MRPS2: variants seen among roughly 807,000 people sequenced by gnomAD.
The protein encoded by MRPS2 is small ribosomal subunit protein uS2m.
Under a neutral mutation model 18.9 loss-of-function variants are expected in MRPS2, and 13 were observed. The observed-to-expected ratio is 0.69, with a 90% CI of 0.45 to 1.09. The LOEUF is 1.09. Among genes scored for constraint, MRPS2 ranks in the 50% least tolerant of loss-of-function variants. The pLI, the probability that MRPS2 is intolerant of heterozygous loss-of-function variation, is 0.00. For missense variants in MRPS2, 389 were observed against 421.7 expected, an observed-to-expected ratio of 0.92 and a Z score of 0.68; for synonymous variants, 186 against 178.4, an observed-to-expected ratio of 1.04 and a Z score of -0.34.
chr9:135,501,182 G>T (rs1017697478), intron 2 of MRPS2, 59 bp downstream of exon 2: 4 of 1,516,234 alleles, frequency 2.6e-6, no homozygotes, highest in Non-Finnish European at 3.5e-6. Context: ...CAGCCGCGGG[G>T]GATGCGAACC....
rs367907423 is a variant in MRPS2 at position 135,501,992 on chromosome 9, T to G, written c.299+19T>G. On this transcript the variant is annotated intron_variant, in intron 3 of 3. Transcript: ENST00000241600. Reference sequence around the variant, plus strand: ...GGCACAGGTAGGTGACACCCCCATCTGAGCCCGGGGCGGTTCCCAGGAGGA... The same window carrying G: ...GGCACAGGTAGGTGACACCCCCATCGGAGCCCGGGGCGGTTCCCAGGAGGA... 4 of 1,612,870 alleles carry G rather than the reference T, an allele frequency of 2.5e-6. No individual in the cohort carries two copies. The African/African-American group carries it at 4.0e-5, about 16-fold the overall frequency.
In MRPS2 at chr9:135,501,978, G is replaced by A. The variant is rs1831156287; in HGVS notation, c.299+5G>A. The A allele has an allele frequency of 1.2e-6, 2 of 1,613,328 alleles. No individual in the cohort carries two copies. The highest frequency in any genetic ancestry group is 1.7e-6 in the Non-Finnish European group (2 of 1,179,968). On this transcript the variant is annotated splice_donor_5th_base_variant and intron_variant, in intron 3 of 3. Coordinates refer to ENST00000241600, the MANE Select transcript of MRPS2 (RefSeq NM_016034.5). Reference sequence around the variant, plus strand: ...CAAAGCTGGCTGTCGGCACAGGTAGGTGACACCCCCATCTGAGCCCGGGGC... The same window carrying A: ...CAAAGCTGGCTGTCGGCACAGGTAGATGACACCCCCATCTGAGCCCGGGGC...
intron 2 of MRPS2, 122 bp downstream of exon 2, chr9:135,501,245 C>T: frequency 1.4e-6 from 2 of 1,437,478 alleles, no homozygotes; most frequent in African/African-American, 1.4e-5. Context: ...CCGCTGGGCT[C>T]CTCCCACTCC....
At chr9:135,503,104 C>T in intron 3 of MRPS2, 2 of 1,024,388 alleles carry the variant, frequency 2.0e-6, no homozygotes, top group Non-Finnish European at 2.3e-6. Flanking sequence ...CTTGGCCACT[C>T]CTGCCCTGAT....
In MRPS2 at chr9:135,504,297, CA is replaced by C; in HGVS notation, c.*166del. ...CCACAGAACCAGTGGCTGAGCGGAC[CA>C]ACGTTGCCATGTGCGTTTGCTCTGT... On this transcript the variant is annotated 3_prime_UTR_variant, in exon 4 of 4. Coordinates refer to ENST00000241600, the MANE Select transcript of MRPS2 (RefSeq NM_016034.5). The surrounding 1 kb of genome is among the most constrained non-coding windows in gnomAD (Gnocchi z 4.3). 1.5e-6 allele frequency: 1 copy of C among 680,830 alleles called. No homozygotes were observed. The highest frequency in any genetic ancestry group is 2.4e-6 in the Non-Finnish European group (1 of 410,386). 42.2% of individuals were successfully genotyped at this position (680,830 alleles called of 1,614,324 possible).
rs1327779884 is a variant in MRPS2 at position 135,504,223 on chromosome 9, CGTT to C, written c.*94_*96del. The C allele has an allele frequency of 2.2e-5, 26 of 1,179,814 alleles. No homozygotes were observed. The highest frequency in any genetic ancestry group is 2.8e-5 in the Non-Finnish European group (24 of 861,074). The allele number at this position is 1,179,814 out of a possible 1,614,324, so 73.1% of individuals were successfully genotyped here. On this transcript the variant is annotated 3_prime_UTR_variant, in exon 4 of 4. Transcript: ENST00000241600. The surrounding 1 kb of genome is among the most constrained non-coding windows in gnomAD (Gnocchi z 4.3). ...GCCCTGGGTCAGCGGCATCCTCAGT[CGTT>C]GTTACTTACTCAGCTGATGTCACAG... is the stretch of plus-strand genomic sequence containing the variant.
At chr9:135,502,354 C>G in intron 3 of MRPS2, 8 of 333,520 alleles carry the variant, frequency 2.4e-5, no homozygotes, top group Non-Finnish European at 3.1e-5. Context: ...ATTTTGACTG[C>G]TGTGGGGGGA....
Position 135,501,054 on chromosome 9 carries a change from G to A in MRPS2, c.100G>A (p.Ala34Thr). 6.2e-7 allele frequency: 1 copy of A among 1,609,776 alleles called. No homozygotes were observed. The highest frequency in any genetic ancestry group is 1.7e-4 in the Middle Eastern group (1 of 6,046). The change falls in exon 2 of 4, where the codon GCT becomes ACT. Residue 34 changes from alanine (A) to threonine (T), a missense_variant. By Grantham distance (58) the Ala-to-Thr change is moderately conservative. Coordinates refer to ENST00000241600, the MANE Select transcript of MRPS2 (RefSeq NM_016034.5). ...GFLGKATPRP[A>T]RPSRRTLGSA... is the part of the protein sequence containing the mutation. ...TCTCGGGAAGGCGACCCCCCGGCCT[G>A]CTCGGCCGAGCCGCAGGACGCTTGG...
chr9:135,501,350 T>C, intron 2 of MRPS2: 1 of 1,393,608 alleles, frequency 7.2e-7, no homozygotes, highest in African/African-American at 1.5e-5. Flanking sequence ...GGCGGGCCAG[T>C]GGTTAGCACA....
intron 2 of MRPS2, 89 bp downstream of exon 2, chr9:135,501,212 G>A: frequency 1.4e-6 from 2 of 1,457,656 alleles, no homozygotes; most frequent in African/African-American, 1.4e-5. Flanking sequence ...CCTGGGCGCT[G>A]CACGCGGTCG....
chr9:135,501,052 C>T lies in MRPS2; in HGVS notation c.98C>T (p.Pro33Leu), dbSNP rs949249049. ...LGFLGKATPR[P>L]ARPSRRTLGS... is the part of the protein sequence containing the mutation. ...TTTCTCGGGAAGGCGACCCCCCGGC[C>T]TGCTCGGCCGAGCCGCAGGACGCTT... is the stretch of plus-strand genomic sequence containing the variant. Residue 33 changes from proline (P) to leucine (L), a missense_variant, in exon 2 of 4, where the codon CCT (proline) becomes CTT (leucine). Coordinates refer to ENST00000241600, the MANE Select transcript of MRPS2 (RefSeq NM_016034.5). The T allele has an allele frequency of 2.3e-5, 37 of 1,610,524 alleles. No individual in the cohort carries two copies. The highest frequency in any genetic ancestry group is 3.3e-5 in the Admixed American group (2 of 59,874).
chr9:135,501,330 A>G (rs1831126335), intron 2 of MRPS2: 1 of 1,396,546 alleles, frequency 7.2e-7, no homozygotes, highest in African/African-American at 1.5e-5. Context: ...GGATAGGGTG[A>G]GAGGGAGCGG....
In MRPS2 at chr9:135,502,201, G is replaced by C. The variant is rs1831162871; in HGVS notation, c.299+228G>C. 4 of 1,353,790 alleles carry C rather than the reference G, an allele frequency of 3.0e-6. No individual in the cohort carries two copies. In the East Asian group the frequency reaches 1.2e-4, roughly 41 times the overall value. The allele number at this position is 1,353,790 out of a possible 1,614,324, so 83.9% of individuals were successfully genotyped here. A position where few individuals can be genotyped will look rare whatever the true frequency, so the allele number is the denominator to read the frequency against. On this transcript the variant is annotated intron_variant, in intron 3 of 3. Coordinates refer to ENST00000241600, the MANE Select transcript of MRPS2 (RefSeq NM_016034.5). ...GGCGCTCACAGCCCTTGATAGGGCAGGCCTGCTGGGGGTTGCAGGACTCCA... is the reference window on the plus strand; with the variant it reads ...GGCGCTCACAGCCCTTGATAGGGCACGCCTGCTGGGGGTTGCAGGACTCCA...
In MRPS2 at chr9:135,503,154, AC is replaced by A. The variant is rs1831190533; in HGVS notation, c.300-384del. 3.7e-6 allele frequency: 4 copies of A among 1,067,828 alleles called. No homozygotes were observed. In the South Asian group the frequency reaches 1.3e-4, roughly 35 times the overall value. 66.1% of individuals were successfully genotyped at this position (1,067,828 alleles called of 1,614,324 possible). On this transcript the variant is annotated intron_variant, in intron 3 of 3. Transcript: ENST00000241600. ...GGCCCAGAGCACCCCGCTAAGTCCA[AC>A]CCCAGAGGGGCCTCATCCGCAAAGC...
At chr9:135,503,464 G>A (rs577476863) in intron 3 of MRPS2, 78 bp from the exon 4 acceptor site, 111 of 1,464,422 alleles carry the variant, frequency 7.6e-5, no homozygotes, top group Middle Eastern at 3.6e-4. Flanking sequence ...CCTGGTGGGC[G>A]TCTGTGTTCC....
Position 135,501,564 on chromosome 9 carries a change from C to G in MRPS2, c.170-280C>G, listed in dbSNP as rs1178919885. 7.9e-5 allele frequency: 86 copies of G among 1,084,150 alleles called. No homozygotes were observed. The South Asian group carries it at 1.7e-3, about 21-fold the overall frequency. The allele number at this position is 1,084,150 out of a possible 1,614,324, so 67.2% of individuals were successfully genotyped here. On this transcript the variant is annotated intron_variant, in intron 2 of 3. Transcript: ENST00000241600. ...CCTGAGCAACCCGCTGGGCCCCTCT[C>G]TTTTTCTCCTCTGTCTTCCAAGTAA...
At position 135,500,704 on chromosome 9, in the gene MRPS2, C is replaced by A. The variant is rs1337826570; in HGVS notation, c.-7C>A. ...AGGGAGACCTCGCTCTGCCCCGCGT[C>A]CCAGCCATGGCGACATCCTCGGCCG... On this transcript the variant is annotated 5_prime_UTR_variant, in exon 1 of 4. Transcript: ENST00000241600. 3 of 1,471,188 alleles carry A rather than the reference C, an allele frequency of 2.0e-6. No individual in the cohort carries two copies. In the East Asian group the frequency reaches 8.1e-5, roughly 40 times the overall value. 91.1% of individuals were successfully genotyped at this position (1,471,188 alleles called of 1,614,324 possible). A position where few individuals can be genotyped will look rare whatever the true frequency, so the allele number is the denominator to read the frequency against.
intron 2 of MRPS2, 112 bp from the exon 3 acceptor site, chr9:135,501,732 C>G: frequency 6.5e-7 from 1 of 1,528,068 alleles, no homozygotes; most frequent in Non-Finnish European, 8.8e-7. Context: ...CCCGGCTCCC[C>G]ACCTCGGTGT....
rs1437964398 is a variant in MRPS2 at position 135,501,807 on chromosome 9, G to T, written c.170-37G>T. ...GCTCTGCCTGTCTCTGCTGCCACCG[G>T]TGGGAGACGCAGCGTCGCTCCTCCT... is the stretch of plus-strand genomic sequence containing the variant. On this transcript the variant is annotated intron_variant, in intron 2 of 3. Transcript: ENST00000241600. 5.6e-6 allele frequency: 9 copies of T among 1,609,852 alleles called. No homozygotes were observed. In the Admixed American group the frequency reaches 1.0e-4, roughly 18 times the overall value.
Sources: allele counts gnomAD v4.1 joint callset, GRCh38; gene constraint gnomAD v4.1.1; non-coding constraint Gnocchi (gnomAD v3.1); transcripts MANE v1.5; gene names NCBI Gene and HGNC (gene_info 2026-07-23, HGNC 2026-07-21).